The following NDRG3 variants were observed in gnomAD, a reference collection of about 807,000 sequenced individuals.
NDRG3 encodes protein NDRG3.
Under a neutral mutation model 57.2 loss-of-function variants are expected in NDRG3, and 23 were observed. The ratio of observed to expected loss-of-function variants is 0.40; its 90% CI spans 0.29 to 0.57. NDRG3 has a LOEUF of 0.57. Ranked by LOEUF, NDRG3 falls within the 20% of genes least tolerant of loss-of-function variation. The probability of loss-of-function intolerance (pLI) is 0.42; values close to 1 mark genes in which losing one functional copy is unlikely to be tolerated. For missense variants in NDRG3, 384 were observed against 457.3 expected, an observed-to-expected ratio of 0.84 and a Z score of 1.46; for synonymous variants, 132 against 162.6, an observed-to-expected ratio of 0.81 and a Z score of 1.43.
At chr20:36,721,865 C>A in intron 1 of NDRG3, 82 bp from the exon 2 acceptor site, 1 of 643,584 alleles carries the variant, frequency 1.6e-6, no homozygotes, top group South Asian at 1.9e-5. Context: ...CCCATTCATT[C>A]AAATATGAGA....
chr20:36,674,784 C>A lies in NDRG3; in HGVS notation c.532-3387G>T, dbSNP rs1327168091. Among the ~76,000 whole-genome samples the A allele has an allele frequency of 1.0e-4, 15 of 147,832 alleles. No homozygotes were observed. The Admixed American group carries it at 1.0e-3, about 10-fold the overall frequency. On this transcript the variant is annotated intron_variant, in intron 8 of 15. Coordinates refer to ENST00000349004, the MANE Select transcript of NDRG3 (RefSeq NM_032013.4). ...ATTTTTGTTGACACAAAGTCTTGTT[C>A]TGTTGACCAGGCTGGTCTTAAACTC...
chr20:36,684,157 T>A (rs1465152366), intron 6 of NDRG3, among the ~76,000 whole-genome samples: 1 of 152,220 alleles, frequency 6.6e-6, no homozygotes, highest in East Asian at 1.9e-4. Flanking sequence ...GGTCTCAGCG[T>A]GTGTGCCACC....
chr20:36,732,799 T>C (rs567985442), intron 1 of NDRG3, among the ~76,000 whole-genome samples: 4 of 152,180 alleles, frequency 2.6e-5, no homozygotes, highest in African/African-American at 7.2e-5. Flanking sequence ...TTGTATCTCA[T>C]TCTGCACTGT....
intron 1 of NDRG3, 132 bp downstream of exon 1, chr20:36,745,913 G>T: frequency 4.5e-6 from 1 of 221,790 alleles, no homozygotes. Context: ...GCACGGGGGA[G>T]GCAAGCAGCA....
intron 2 of NDRG3, among the ~76,000 whole-genome samples, chr20:36,715,350 C>T (rs989561886): frequency 6.6e-6 from 1 of 151,708 alleles, no homozygotes; most frequent in East Asian, 1.9e-4. Context: ...CCGTCTAGAG[C>T]ACTTCTGACA....
At chr20:36,736,917 A>G (rs1163804237) in intron 1 of NDRG3, among the ~76,000 whole-genome samples, 1 of 152,132 alleles carries the variant, frequency 6.6e-6, no homozygotes, top group Non-Finnish European at 1.5e-5. Flanking sequence ...TCACTGTAAC[A>G]GGAAGTACCC....
intron 3 of NDRG3, among the ~76,000 whole-genome samples, chr20:36,702,690 A>AT (rs35064051): frequency 0.015 from 2,203 of 142,240 alleles, 21 homozygotes; most frequent in Non-Finnish European, 0.023. Flanking sequence ...TGCCCAGCTA[A>AT]TTTTTTTTTT....
At chr20:36,744,543 T>A (rs1012715466) in intron 1 of NDRG3, among the ~76,000 whole-genome samples, 3 of 151,908 alleles carry the variant, frequency 2.0e-5, no homozygotes, top group African/African-American at 4.8e-5. Context: ...TAATTCTAAT[T>A]GGGAAAATCA....
intron 5 of NDRG3, among the ~76,000 whole-genome samples, chr20:36,686,539 G>A (rs539188548): frequency 6.6e-6 from 1 of 152,300 alleles, no homozygotes; most frequent in Non-Finnish European, 1.5e-5. Context: ...TGAGTGAAAG[G>A]ATAGGGGAAG....
chr20:36,656,020 G>C (rs141523974), intron 15 of NDRG3, among the ~76,000 whole-genome samples: 2 of 151,412 alleles, frequency 1.3e-5, no homozygotes, highest in Non-Finnish European at 2.9e-5. Flanking sequence ...TGTAGTCCCA[G>C]CTACTTGGGA....
At chr20:36,706,141 G>T (rs1983535754) in intron 3 of NDRG3, among the ~76,000 whole-genome samples, 1 of 152,188 alleles carries the variant, frequency 6.6e-6, no homozygotes, top group Non-Finnish European at 1.5e-5. Context: ...CAACAGAGGT[G>T]ATGCAAAAGC....
chr20:36,670,251 G>T (rs999776925), intron 9 of NDRG3, among the ~76,000 whole-genome samples: 1 of 152,176 alleles, frequency 6.6e-6, no homozygotes, highest in Non-Finnish European at 1.5e-5. Flanking sequence ...CACTTAGGAT[G>T]TGTGCATTAC....
rs1981215788 is a variant in NDRG3 at position 36,680,805 on chromosome 20, G to C, written c.531+11C>G. ...AAGATAAGCCGATGGACACCTTCAT[G>C]TGGTACTTACTTTGGAAGCTGCCCA... On this transcript the variant is annotated intron_variant, in intron 8 of 15. Coordinates refer to ENST00000349004, the MANE Select transcript of NDRG3 (RefSeq NM_032013.4). 1.2e-6 allele frequency: 2 copies of C among 1,611,086 alleles called. No individual in the cohort carries two copies. Among genetic ancestry groups the C allele is most frequent in the African/African-American group, 1.3e-5 (1 of 74,870 alleles).
rs944105531 is a variant in NDRG3, at chr20:36,740,471, C to T, written c.-49+5574G>A. On this transcript the variant is annotated intron_variant, in intron 1 of 15. Coordinates refer to ENST00000349004, the MANE Select transcript of NDRG3 (RefSeq NM_032013.4). ...AAGCGATTCTCCTGCCTCGGCCTCC[C>T]GAGTAGCTGGGACTACAGATGTGTG... Among the ~76,000 whole-genome samples, 8 of 152,090 alleles carry T rather than the reference C, an allele frequency of 5.3e-5. No individual in the cohort carries two copies. The East Asian group carries it at 1.5e-3, about 29-fold the overall frequency.
intron 3 of NDRG3, among the ~76,000 whole-genome samples, chr20:36,702,475 A>G (rs530853594): frequency 2.6e-4 from 40 of 152,158 alleles, no homozygotes; most frequent in Middle Eastern, 3.4e-3. Context: ...TGTTTCCAAT[A>G]AGCAGGCTAC....
chr20:36,693,991 T>C (rs1197512344), intron 3 of NDRG3, among the ~76,000 whole-genome samples: 2 of 152,304 alleles, frequency 1.3e-5, no homozygotes, highest in Non-Finnish European at 2.9e-5. Context: ...ACCACTGATA[T>C]ACTGTATTCT....
chr20:36,712,446 A>G (rs184889651), intron 2 of NDRG3, among the ~76,000 whole-genome samples: 155 of 133,630 alleles, frequency 1.2e-3, no homozygotes, highest in Non-Finnish European at 2.0e-3. Context: ...GCCAGCCTGG[A>G]ATGCAGTCGC....
intron 1 of NDRG3, among the ~76,000 whole-genome samples, chr20:36,727,025 T>TC (rs1379088844): frequency 2.0e-5 from 3 of 151,844 alleles, no homozygotes; most frequent in Non-Finnish European, 4.4e-5. Context: ...CAAGTGATTC[T>TC]CCTGCCTCAG....
chr20:36,659,077 T>A (rs1234740570), intron 13 of NDRG3, among the ~76,000 whole-genome samples: 1 of 151,656 alleles, frequency 6.6e-6, no homozygotes, highest in Non-Finnish European at 1.5e-5. Context: ...GCTTCCTGAG[T>A]AGCTGGGGCT....
Sources: gnomAD v4.1 joint callset for allele counts (sites outside exome capture counted in the v4.1 genomes callset) on GRCh38, gnomAD v4.1.1 for gene constraint, MANE v1.5 for transcripts, NCBI Gene and HGNC (gene_info 2026-07-23, HGNC 2026-07-21) for gene names.